CDH23: variants seen among roughly 807,000 people sequenced by gnomAD.
CDH23 encodes cadherin related 23, also known as cadherin-23.
A neutral mutation model predicts 317.1 loss-of-function variants in CDH23; 189 were observed. The ratio of observed to expected loss-of-function variants is 0.60; its 90% confidence interval spans 0.53 to 0.67. The LOEUF (loss-of-function observed/expected upper bound fraction) is 0.67, where lower values mean the gene tolerates loss of function less well. Ranked by LOEUF, CDH23 falls within the 30% of genes least tolerant of loss-of-function variation. CDH23 has a pLI of 0.00. For missense variants in CDH23, 4,401 were observed against 4,592.4 expected (o/e 0.96, Z 1.20); for synonymous variants, 1,839 against 1,876.8 (o/e 0.98, Z 0.52).
At chr10:71,738,079 TATTACTC>T (rs1839619008) in intron 34 of CDH23, among the ~76,000 whole-genome samples, 3 of 152,226 alleles carry the variant, frequency 2.0e-5, no homozygotes, top group Non-Finnish European at 1.5e-5. Flanking sequence ...CTCTAAATTT[TATTACTC>T]ATCAGCCAAT....
chr10:71,801,542 C>A lies in CDH23; in HGVS notation c.7482+787C>A, dbSNP rs192423855. On this transcript the variant is annotated intron_variant, in intron 53 of 69. Transcript: ENST00000224721. ...GTCCACGCAGCTGTTCTGAGGCCAG[C>A]ATCTCACCCTCTCAGCTCTCAATCC... Among the ~76,000 whole-genome samples the A allele has an allele frequency of 5.9e-4, 90 of 152,280 alleles. No homozygotes were observed. In the Middle Eastern group the frequency reaches 0.031, roughly 52 times the overall value.
In CDH23 at chr10:71,751,174, G is replaced by C; in HGVS notation, c.4845+9253G>C. 6.0e-6 allele frequency: 9 copies of C among 1,504,760 alleles called. No individual in the cohort carries two copies. 93.2% of individuals were successfully genotyped at this position (1,504,760 alleles called of 1,614,324 possible). Reference sequence around the variant, plus strand: ...AGGGAACCAGGGCCGAGGCCAAGGAGGCCACTCACAGAGCCAGCCCTGGCT... The same window carrying C: ...AGGGAACCAGGGCCGAGGCCAAGGACGCCACTCACAGAGCCAGCCCTGGCT... On this transcript the variant is annotated intron_variant, in intron 38 of 69. Transcript: ENST00000224721. The surrounding 1 kb of genome is among the most constrained non-coding windows in gnomAD (Gnocchi z 4.9).
At chr10:71,610,600 A>T (rs576476848) in intron 9 of CDH23, among the ~76,000 whole-genome samples, 1 of 152,304 alleles carries the variant, frequency 6.6e-6, no homozygotes, top group African/African-American at 2.4e-5. Context: ...CGAATAGGTG[A>T]TGTGATTGTG....
At chr10:71,672,169 G>A (rs1864175588) in intron 14 of CDH23, among the ~76,000 whole-genome samples, 1 of 152,130 alleles carries the variant, frequency 6.6e-6, no homozygotes, top group African/African-American at 2.4e-5. Context: ...GCAGAAGGGT[G>A]TGAGCTAGGC....
In CDH23 at chr10:71,732,282, C is replaced by T; in HGVS notation, c.4011C>T (p.Ala1337=). ...GTACTGAGATTGTGCGGGTCCAGGC[C>T]TACTCCATCGACAACCTCAACCAAA... ...ALGTEIVRVQ[A]YSIDNLNQIT... Residue 1337 remains alanine, a synonymous_variant, in exon 32 of 70, where the codon GCC becomes GCT. Transcript: ENST00000224721. 6.2e-7 allele frequency: 1 copy of T among 1,613,196 alleles called. No homozygotes were observed. The highest frequency in any genetic ancestry group is 8.5e-7 in the Non-Finnish European group (1 of 1,179,508).
At chr10:71,783,676 G>T (rs186055431) in intron 41 of CDH23, among the ~76,000 whole-genome samples, 1 of 152,358 alleles carries the variant, frequency 6.6e-6, no homozygotes, top group East Asian at 1.9e-4. Flanking sequence ...GGAAATCAGG[G>T]TCACCACAGG....
At chr10:71,774,212 C>T (rs1204086991) in intron 38 of CDH23, among the ~76,000 whole-genome samples, 2 of 148,684 alleles carry the variant, frequency 1.3e-5, no homozygotes, top group African/African-American at 2.5e-5. Flanking sequence ...CCGGCAGAGG[C>T]CTCAGCTGTC....
chr10:71,748,803 G>A (rs1222170467), intron 38 of CDH23: 12 of 152,738 alleles, frequency 7.9e-5, no homozygotes, highest in African/African-American at 2.4e-5. Context: ...CAACTCAGAG[G>A]GCGGCTCCAG....
chr10:71,771,269 G>C (rs1840677548), intron 38 of CDH23, among the ~76,000 whole-genome samples: 1 of 152,198 alleles, frequency 6.6e-6, no homozygotes, highest in Admixed American at 6.5e-5. Context: ...GTCAGGCCCA[G>C]GAAAGGGGTA....
intron 41 of CDH23, among the ~76,000 whole-genome samples, 159 bp from the exon 42 acceptor site, chr10:71,784,128 C>G (rs1389883056): frequency 6.6e-6 from 1 of 152,204 alleles, no homozygotes; most frequent in Non-Finnish European, 1.5e-5. Context: ...CCTTGCAGAT[C>G]TCATGAGGAT....
chr10:71,540,260 C>A (rs574647526), intron 6 of CDH23, among the ~76,000 whole-genome samples: 1 of 152,318 alleles, frequency 6.6e-6, no homozygotes, highest in Admixed American at 6.5e-5. Flanking sequence ...CTCTTATCAG[C>A]CCAGACCCTG....
At chr10:71,486,606 C>T (rs1852359516) in intron 3 of CDH23, among the ~76,000 whole-genome samples, 1 of 152,174 alleles carries the variant, frequency 6.6e-6, no homozygotes. Flanking sequence ...CAGAGTAGGA[C>T]AGGTATCATA....
At chr10:71,788,478 T>G (rs1841158435) in intron 44 of CDH23, among the ~76,000 whole-genome samples, 1 of 152,032 alleles carries the variant, frequency 6.6e-6, no homozygotes, top group African/African-American at 2.4e-5. Flanking sequence ...TTTTTTGAGA[T>G]GGAGTCTTGC....
chr10:71,694,313 C>T (rs1000551804), intron 21 of CDH23, 54 bp downstream of exon 21: 16 of 1,386,894 alleles, frequency 1.2e-5, no homozygotes, highest in Non-Finnish European at 1.6e-5. Context: ...CAGGCTGCTG[C>T]TCCCTGCTTG....
intron 34 of CDH23, among the ~76,000 whole-genome samples, chr10:71,736,209 C>T (rs989360776): frequency 6.6e-6 from 1 of 152,246 alleles, no homozygotes; most frequent in African/African-American, 2.4e-5. Context: ...TAGCAGGGCC[C>T]ACCCCCTTTT....
At chr10:71,413,052 T>C (rs1449468479) in intron 1 of CDH23, among the ~76,000 whole-genome samples, 1 of 152,222 alleles carries the variant, frequency 6.6e-6, no homozygotes, top group Non-Finnish European at 1.5e-5. Context: ...AATAAATCAT[T>C]GCTAAATCCA....
intron 3 of CDH23, among the ~76,000 whole-genome samples, chr10:71,502,074 C>T (rs1489055659): frequency 2.0e-5 from 3 of 152,190 alleles, no homozygotes; most frequent in African/African-American, 7.2e-5. Context: ...TCCCTCTCTG[C>T]AAAATGAGAA....
At chr10:71,679,188 T>C (rs1294239811) in intron 16 of CDH23, among the ~76,000 whole-genome samples, 199 bp from the exon 17 acceptor site, 2 of 152,172 alleles carry the variant, frequency 1.3e-5, no homozygotes, top group African/African-American at 4.8e-5. Flanking sequence ...GGGCGTCTGC[T>C]GGGAGCCAGA....
At chr10:71,720,158 G>A (rs1009143016) in intron 28 of CDH23, among the ~76,000 whole-genome samples, 2 of 152,202 alleles carry the variant, frequency 1.3e-5, no homozygotes, top group Non-Finnish European at 2.9e-5. Context: ...CAGGAGGGGA[G>A]CAGGGAGAGT....
Sources: allele counts gnomAD v4.1 joint callset (sites outside exome capture counted in the v4.1 genomes callset), GRCh38; gene constraint gnomAD v4.1.1; non-coding constraint Gnocchi (gnomAD v3.1); transcripts MANE v1.5; gene names NCBI Gene and HGNC (gene_info 2026-07-23, HGNC 2026-07-21).